BMP7: variants seen among roughly 807,000 people sequenced by gnomAD.
BMP7 encodes the protein osteogenic protein 1.
In BMP7, 12 loss-of-function variants were observed where a neutral mutation model predicts 41.2. The observed-to-expected ratio is 0.29, with a 90% confidence interval of 0.19 to 0.47. The LOEUF is 0.47. Ranked by LOEUF, BMP7 falls within the 20% of genes least tolerant of loss-of-function variation. The probability of loss-of-function intolerance (pLI) is 0.99; values close to 1 mark genes in which losing one functional copy is unlikely to be tolerated. For synonymous variants in BMP7, 248 were observed against 250.0 expected, an observed-to-expected ratio of 0.99 and a Z score of 0.07; for missense variants, 467 against 606.0, an observed-to-expected ratio of 0.77 and a Z score of 2.41.
chr20:57,223,557 G>A (rs1985241033), intron 2 of BMP7, among the ~76,000 whole-genome samples: 1 of 152,234 alleles, frequency 6.6e-6, no homozygotes, highest in Admixed American at 6.5e-5. Flanking sequence ...CTAAGAGCCT[G>A]GGTTTGAGCC....
At chr20:57,194,244 G>C (rs533833600) in intron 3 of BMP7, among the ~76,000 whole-genome samples, 2 of 152,284 alleles carry the variant, frequency 1.3e-5, no homozygotes, top group East Asian at 3.9e-4. Flanking sequence ...ACACTGTCAA[G>C]ATGATGGGGC....
In BMP7 at chr20:57,228,219, T is replaced by A. The variant is rs2066015090; in HGVS notation, c.611+10A>T. 1.2e-6 allele frequency: 2 copies of A among 1,612,772 alleles called. No homozygotes were observed. The highest frequency in any genetic ancestry group is 1.7e-6 in the Non-Finnish European group (2 of 1,179,810). On this transcript the variant is annotated intron_variant, in intron 2 of 6. Coordinates refer to ENST00000395863, the MANE Select transcript of BMP7 (RefSeq NM_001719.3). This position sits in a 1 kb window ranked among gnomAD's most constrained non-coding sequence, Gnocchi z 4.5. The stretch of plus-strand genomic sequence containing the variant: ...TCAGCACCTCTCCCAGATACCCGTA[T>A]AGCACCCACCTGCCCAAGTGCTCCT...
At chr20:57,196,970 C>T (rs955043593) in intron 3 of BMP7, among the ~76,000 whole-genome samples, 3 of 151,710 alleles carry the variant, frequency 2.0e-5, no homozygotes, top group African/African-American at 2.4e-5. Flanking sequence ...AGTATGATCT[C>T]GGTTCACTGC....
chr20:57,169,754 G>A lies in BMP7; in HGVS notation c.*1205C>T, dbSNP rs1447526467. The A allele has an allele frequency of 1.3e-5, 2 of 151,806 alleles. No homozygotes were observed. The highest frequency in any genetic ancestry group is 2.9e-5 in the Non-Finnish European group (2 of 67,984). 9.4% of individuals were successfully genotyped at this position (151,806 alleles called of 1,614,324 possible). A position where few individuals can be genotyped will look rare whatever the true frequency, so the allele number is the denominator to read the frequency against. On this transcript the variant is annotated 3_prime_UTR_variant, in exon 7 of 7. Coordinates refer to ENST00000395863, the MANE Select transcript of BMP7 (RefSeq NM_001719.3). The stretch of plus-strand genomic sequence containing the variant: ...TCCCGTGGAGAACTAGGCTTCATTG[G>A]TGCTGTTTTTTTTTTCTTTTGAGAT...
chr20:57,248,048 A>G (rs1275029580), intron 1 of BMP7, among the ~76,000 whole-genome samples: 1 of 152,136 alleles, frequency 6.6e-6, no homozygotes, highest in Non-Finnish European at 1.5e-5. Context: ...GAATAACTAA[A>G]ATCTTTCTAT....
intron 3 of BMP7, among the ~76,000 whole-genome samples, chr20:57,195,710 A>G (rs923319234): frequency 5.3e-5 from 8 of 152,226 alleles, no homozygotes; most frequent in Non-Finnish European, 1.0e-4. Context: ...TGAGTGTCAC[A>G]CTTGGACAGC....
chr20:57,209,247 T>TA (rs1984815814), intron 2 of BMP7, among the ~76,000 whole-genome samples: 18 of 69,856 alleles, frequency 2.6e-4, no homozygotes, highest in South Asian at 5.4e-4. Context: ...ATTTATATAT[T>TA]TTTATATATA....
intron 3 of BMP7, among the ~76,000 whole-genome samples, chr20:57,197,644 G>A (rs1390508322): frequency 2.0e-5 from 3 of 152,196 alleles, no homozygotes; most frequent in African/African-American, 7.2e-5. Flanking sequence ...ACCTGGGCAG[G>A]ATTATTGAGA....
chr20:57,251,378 A>T (rs1416084431), intron 1 of BMP7, among the ~76,000 whole-genome samples: 1 of 152,128 alleles, frequency 6.6e-6, no homozygotes, highest in Non-Finnish European at 1.5e-5. Context: ...ACCATCTGAG[A>T]CATTTTAGAA....
intron 1 of BMP7, among the ~76,000 whole-genome samples, chr20:57,257,465 TATTA>T (rs1402994849): frequency 4.6e-5 from 7 of 152,306 alleles, no homozygotes; most frequent in Non-Finnish European, 7.4e-5. Context: ...TTAAAATTTG[TATTA>T]ATTAACAAAC....
chr20:57,248,230 GT>G (rs2066097933), intron 1 of BMP7, among the ~76,000 whole-genome samples: 1 of 152,162 alleles, frequency 6.6e-6, no homozygotes, highest in South Asian at 2.1e-4. Flanking sequence ...AAATCTAACT[GT>G]ATACAACACA....
At chr20:57,230,124 A>G (rs575671731) in intron 1 of BMP7, among the ~76,000 whole-genome samples, 3 of 152,054 alleles carry the variant, frequency 2.0e-5, no homozygotes, top group Non-Finnish European at 4.4e-5. Context: ...GGCGGGAGGG[A>G]AGGACTCTCC....
chr20:57,223,754 G>T (rs539203363), intron 2 of BMP7, among the ~76,000 whole-genome samples: 13 of 152,318 alleles, frequency 8.5e-5, no homozygotes, highest in African/African-American at 3.1e-4. Flanking sequence ...CTCAACCACA[G>T]GGTGGAGACA....
intron 1 of BMP7, among the ~76,000 whole-genome samples, chr20:57,236,244 G>A (rs6127975): frequency 0.17 from 25,835 of 152,174 alleles, 2,555 homozygotes; most frequent in East Asian, 0.33. Context: ...TATGAAGAGG[G>A]GGAACTAGAG....
intron 1 of BMP7, among the ~76,000 whole-genome samples, chr20:57,245,152 G>A (rs2066084787): frequency 6.6e-6 from 1 of 152,138 alleles, no homozygotes; most frequent in East Asian, 1.9e-4. Flanking sequence ...AGGGGCTGAT[G>A]GGGCAGATTT....
At chr20:57,183,527 T>A (rs929336812) in intron 4 of BMP7, among the ~76,000 whole-genome samples, 195 bp downstream of exon 4, 3 of 152,236 alleles carry the variant, frequency 2.0e-5, no homozygotes, top group African/African-American at 7.2e-5. Context: ...CTACTTGCAT[T>A]TCTAAGCTAG....
intron 1 of BMP7, among the ~76,000 whole-genome samples, chr20:57,258,836 T>C (rs2066143692): frequency 6.6e-6 from 1 of 152,192 alleles, no homozygotes; most frequent in Non-Finnish European, 1.5e-5. Context: ...TAAGATTAAG[T>C]ACTTAAAAAC....
intron 3 of BMP7, among the ~76,000 whole-genome samples, chr20:57,196,967 T>C (rs1385947469): frequency 6.6e-6 from 1 of 152,044 alleles, no homozygotes; most frequent in Non-Finnish European, 1.5e-5. Flanking sequence ...GGTAGTATGA[T>C]CTCGGTTCAC....
intron 1 of BMP7, among the ~76,000 whole-genome samples, chr20:57,229,752 T>C (rs1043716507): frequency 5.3e-5 from 8 of 152,152 alleles, no homozygotes; most frequent in African/African-American, 1.9e-4. Flanking sequence ...AGAAATACGA[T>C]CAGCAATCTT....
Sources: allele counts gnomAD v4.1 joint callset (sites outside exome capture counted in the v4.1 genomes callset), GRCh38; gene constraint gnomAD v4.1.1; non-coding constraint Gnocchi (gnomAD v3.1); transcripts MANE v1.5; gene names NCBI Gene and HGNC (gene_info 2026-07-23, HGNC 2026-07-21).